The following PWWP2A variants were observed in gnomAD, a reference collection of about 807,000 sequenced individuals.
PWWP2A encodes the protein PWWP domain-containing protein 2A.
A neutral mutation model predicts 48.5 loss-of-function variants in PWWP2A; 18 were observed. The ratio of observed to expected loss-of-function variants is 0.37; its 90% CI spans 0.26 to 0.55. The LOEUF (loss-of-function observed/expected upper bound fraction) is 0.55. Ranked by LOEUF, PWWP2A falls within the 20% of genes least tolerant of loss-of-function variation. The probability of loss-of-function intolerance (pLI) is 0.81; values close to 1 mark genes in which losing one functional copy is unlikely to be tolerated. For synonymous variants in PWWP2A, 396 were observed against 387.7 expected (o/e 1.02, Z -0.25); for missense variants, 867 against 976.4 (o/e 0.89, Z 1.49).
chr5:160,054,667 AAGT>A, the PWWP2A span, among the ~76,000 whole-genome samples: 3 of 152,176 alleles, frequency 2.0e-5, no homozygotes, highest in Non-Finnish European at 4.4e-5. Context: ...GAAAAAAAAA[AAGT>A]AGCGTTTTAT....
At chr5:160,097,705 TTG>T (rs1491415928) in intron 1 of PWWP2A, among the ~76,000 whole-genome samples, 2 of 86,306 alleles carry the variant, frequency 2.3e-5, no homozygotes, top group African/African-American at 9.3e-5. Flanking sequence ...GGTTTTTTTT[TTG>T]GGGGGGGGGG....
Position 160,066,120 on chromosome 5 carries a change from CT to C in PWWP2A, c.*236+427del, listed in dbSNP as rs1479493361. On this transcript the variant is annotated intron_variant and NMD_transcript_variant, in intron 4 of 5. Transcript: ENST00000524050. ...CTAAAAGCTTTTTATCTTTTTTCTTCTTTTGGTCAAAGTGAACCTCAGAAGA... is the reference window on the plus strand; with the variant it reads ...CTAAAAGCTTTTTATCTTTTTTCTTCTTTGGTCAAAGTGAACCTCAGAAGA... 2.6e-5 allele frequency among the ~76,000 whole-genome samples: 4 copies of C among 152,008 alleles called. 1 individual carries two copies. Among genetic ancestry groups the C allele is most frequent in the Middle Eastern group, 6.8e-3 (2 of 294 alleles).
At chr5:160,065,507 T>C in intron 4 of PWWP2A, 1 of 425,022 alleles carries the variant, frequency 2.4e-6, no homozygotes, top group Non-Finnish European at 4.7e-6. Context: ...CAGCATTTCC[T>C]GATTTCCTCT....
chr5:160,108,448 T>C (rs1581256481), intron 1 of PWWP2A: 2 of 512,116 alleles, frequency 3.9e-6, no homozygotes, highest in South Asian at 3.2e-5. Context: ...AAATATTACT[T>C]ATAATGTACC....
downstream of PWWP2A, among the ~76,000 whole-genome samples, chr5:160,088,392 G>A (rs972497516): frequency 1.3e-5 from 2 of 151,956 alleles, no homozygotes; most frequent in African/African-American, 4.8e-5. Context: ...GCCACCATGC[G>A]CAGCTAATTT....
intron 1 of PWWP2A, among the ~76,000 whole-genome samples, chr5:160,117,311 A>G (rs972688012): frequency 1.3e-5 from 2 of 152,044 alleles, no homozygotes; most frequent in Non-Finnish European, 2.9e-5. Flanking sequence ...TAAGTAAACA[A>G]ACAAACATAA....
At chr5:160,115,825 C>T (rs997384905) in intron 1 of PWWP2A, among the ~76,000 whole-genome samples, 3 of 151,922 alleles carry the variant, frequency 2.0e-5, no homozygotes, top group Non-Finnish European at 2.9e-5. Flanking sequence ...AGCAACATAG[C>T]GAGACCCTGC....
chr5:160,065,566 T>C, intron 4 of PWWP2A: 1 of 348,498 alleles, frequency 2.9e-6, no homozygotes, highest in Admixed American at 3.9e-5. Context: ...GTTGTGAATT[T>C]TGTCACGTAA....
intron 2 of PWWP2A, among the ~76,000 whole-genome samples, chr5:160,070,753 G>A (rs115173924): frequency 0.01 from 1,537 of 152,248 alleles, 13 homozygotes; most frequent in Non-Finnish European, 0.015. Flanking sequence ...TCTGAGCTTC[G>A]GCAAAATGAC....
chr5:160,077,275 AC>A lies in PWWP2A; in HGVS notation c.*879del, dbSNP rs1217794082. 6.6e-6 allele frequency: 1 copy of A among 152,166 alleles called. No homozygotes were observed. The highest frequency in any genetic ancestry group is 1.9e-4 in the East Asian group (1 of 5,202). The allele number at this position is 152,166 out of a possible 1,614,324, so 9.4% of individuals were successfully genotyped here. Reference sequence around the variant, plus strand: ...TCCACATCAAAATTTAGACGTTGTCACCTTTTTTGAACTAGATAAAACCAGT... The same window carrying A: ...TCCACATCAAAATTTAGACGTTGTCACTTTTTTGAACTAGATAAAACCAGT... On this transcript the variant is annotated 3_prime_UTR_variant, in exon 4 of 4. Transcript: ENST00000456329. This position sits in a 1 kb window ranked among gnomAD's most constrained non-coding sequence, Gnocchi z 4.2.
the PWWP2A span, among the ~76,000 whole-genome samples, chr5:160,052,548 CA>C: frequency 1.0e-3 from 71 of 68,092 alleles, no homozygotes; most frequent in African/African-American, 1.7e-3. Context: ...TCTATTTTAG[CA>C]AAAAAAAAAA....
intron 1 of PWWP2A, among the ~76,000 whole-genome samples, chr5:160,114,580 A>G (rs538548671): frequency 3.5e-4 from 53 of 152,074 alleles, no homozygotes; most frequent in Non-Finnish European, 7.4e-4. Flanking sequence ...CCTGGCCAAC[A>G]CAGTAAAACC....
At chr5:160,057,808 C>T (rs956983883), downstream of PWWP2A, among the ~76,000 whole-genome samples, 4 of 152,142 alleles carry the variant, frequency 2.6e-5, no homozygotes, top group African/African-American at 9.7e-5. The surrounding 1 kb of genome is among the most constrained non-coding windows in gnomAD (Gnocchi z 4.4). Context: ...CTCATTCTGT[C>T]GCCAGGCTGG....
At chr5:160,118,314 G>A (rs1758336033) in intron 1 of PWWP2A, among the ~76,000 whole-genome samples, 1 of 152,154 alleles carries the variant, frequency 6.6e-6, no homozygotes, top group African/African-American at 2.4e-5. Context: ...TGTAAGGAGT[G>A]ACAGGTAACC....
At chr5:160,054,144 G>C in the PWWP2A span, among the ~76,000 whole-genome samples, 2 of 152,148 alleles carry the variant, frequency 1.3e-5, no homozygotes, top group African/African-American at 4.8e-5. Flanking sequence ...TAATAACCAA[G>C]GAATGTAAGG....
downstream of PWWP2A, chr5:160,090,570 A>C: frequency 1.0e-6 from 1 of 984,530 alleles, no homozygotes. Context: ...GTTTATTATA[A>C]TCAAAAAGCA....
At chr5:160,088,946 A>C (rs528717257), downstream of PWWP2A, among the ~76,000 whole-genome samples, 1 of 152,348 alleles carries the variant, frequency 6.6e-6, no homozygotes, top group African/African-American at 2.4e-5. Context: ...AACTCAATTT[A>C]ATATGTTGCA....
At chr5:160,118,729 G>C (rs1318096450) in intron 1 of PWWP2A, 76 bp downstream of exon 1, 7 of 1,312,192 alleles carry the variant, frequency 5.3e-6, no homozygotes, top group Non-Finnish European at 6.9e-6. Context: ...GAGGGCTCGG[G>C]GAGAGGGGGC....
intron 1 of PWWP2A, among the ~76,000 whole-genome samples, chr5:160,115,365 G>A (rs1758014995): frequency 6.6e-6 from 1 of 151,954 alleles, no homozygotes; most frequent in African/African-American, 2.4e-5. Flanking sequence ...AGATCAGCCT[G>A]AGCAACACAG....
Sources: allele counts gnomAD v4.1 joint callset (sites outside exome capture counted in the v4.1 genomes callset), GRCh38; gene constraint gnomAD v4.1.1; non-coding constraint Gnocchi (gnomAD v3.1); transcripts MANE v1.5; gene names NCBI Gene and HGNC (gene_info 2026-07-23, HGNC 2026-07-21).